The following LGR4 variants were observed in gnomAD, a reference collection of about 807,000 sequenced individuals.
LGR4 encodes leucine-rich repeat-containing G protein-coupled receptor 4.
A neutral mutation model predicts 84.8 loss-of-function variants in LGR4; 44 were observed. The observed-to-expected ratio is 0.52, with a 90% CI of 0.41 to 0.67. LGR4 has a LOEUF of 0.67. Ranked by LOEUF, LGR4 falls within the 30% of genes least tolerant of loss-of-function variation. LGR4 has a pLI of 0.00. For synonymous variants in LGR4, 429 were observed against 434.3 expected (o/e 0.99, Z 0.15); for missense variants, 1,032 against 1,131.4 (o/e 0.91, Z 1.26).
intron 1 of LGR4, among the ~76,000 whole-genome samples, chr11:27,428,993 G>T (rs1864071168): frequency 6.6e-6 from 1 of 152,152 alleles, no homozygotes; most frequent in South Asian, 2.1e-4. Flanking sequence ...GATCTGTTGG[G>T]TCATGTGATG....
chr11:27,446,494 C>G (rs1285274949), intron 1 of LGR4, among the ~76,000 whole-genome samples: 1 of 152,310 alleles, frequency 6.6e-6, no homozygotes, highest in East Asian at 1.9e-4. Flanking sequence ...GATACCATCT[C>G]ACACCAGTTA....
intron 1 of LGR4, among the ~76,000 whole-genome samples, chr11:27,446,387 C>T (rs1337787520): frequency 6.6e-6 from 1 of 152,196 alleles, no homozygotes; most frequent in Admixed American, 6.5e-5. Context: ...TATGAACAGA[C>T]ACTTCTCAAA....
chr11:27,456,484 G>A (rs1443288716), intron 1 of LGR4, among the ~76,000 whole-genome samples: 1 of 152,116 alleles, frequency 6.6e-6, no homozygotes, highest in Non-Finnish European at 1.5e-5. Context: ...TGAGTGAAAG[G>A]GGGCAGCTAT....
At chr11:27,374,505 G>GCAGATACC (rs1467632718) in intron 13 of LGR4, among the ~76,000 whole-genome samples, 1 of 152,094 alleles carries the variant, frequency 6.6e-6, no homozygotes, top group Non-Finnish European at 1.5e-5. Context: ...CAGGAGGGCT[G>GCAGATACC]CAGATACCCT....
intron 1 of LGR4, among the ~76,000 whole-genome samples, chr11:27,438,811 TC>T (rs1281182803): frequency 6.6e-6 from 1 of 152,156 alleles, no homozygotes; most frequent in East Asian, 1.9e-4. Context: ...TCTCAGGCCT[TC>T]AGACTCTAAC....
In LGR4 at chr11:27,371,624, G is replaced by A; in HGVS notation, c.1570C>T (p.Pro524Ser). The A allele has an allele frequency of 1.2e-6, 2 of 1,611,158 alleles. No individual in the cohort carries two copies. The highest frequency in any genetic ancestry group is 1.7e-6 in the Non-Finnish European group (2 of 1,177,790). ...EHSQIIIHCTPSTGAFKPCEY... is the reference protein window; with the variant it reads ...EHSQIIIHCTSSTGAFKPCEY... ...AATAGGCCAGGCATACCTGTTGAAG[G>A]TGTACAATGGATAATTATTTGACTA... Residue 524 changes from proline (P) to serine (S), a missense_variant, in exon 17 of 18, where the codon CCT (proline) becomes TCT (serine). Physicochemically the swap from Pro to Ser is moderately conservative, Grantham distance 74. Transcript: ENST00000379214.
intron 15 of LGR4, 60 bp downstream of exon 15, chr11:27,373,491 C>T: frequency 2.8e-6 from 4 of 1,452,608 alleles, no homozygotes; most frequent in Non-Finnish European, 9.2e-7. Flanking sequence ...AACCAGGACA[C>T]TCTGTAATTT....
chr11:27,444,356 C>A (rs1864352767), intron 1 of LGR4, among the ~76,000 whole-genome samples: 1 of 152,152 alleles, frequency 6.6e-6, no homozygotes, highest in South Asian at 2.1e-4. Context: ...AATAAAACTG[C>A]AAGCAGCCAT....
chr11:27,368,109 A>G lies in LGR4; in HGVS notation c.2614T>C (p.Cys872Arg). ...CTGTGTGATTTTATCAAGTGTTTGC[A>G]TGATACTGGCTTTGTTAAAAGAAAC... ...ESFLLTKPVS[C>R]KHLIKSHSCP... Residue 872 changes from cysteine (C) to arginine (R), a missense_variant, in exon 18 of 18, where the codon TGC (cysteine) becomes CGC (arginine). By Grantham distance (180) the Cys-to-Arg change is radical (BLOSUM62 -3). Transcript: ENST00000379214. The G allele has an allele frequency of 6.2e-7, 1 of 1,614,136 alleles. No individual in the cohort carries two copies. Among genetic ancestry groups the G allele is most frequent in the South Asian group, 1.1e-5 (1 of 91,080 alleles).
chr11:27,472,522 AG>A lies in LGR4; in HGVS notation c.-221del. 5.2e-6 allele frequency: 2 copies of A among 388,268 alleles called. No homozygotes were observed. The highest frequency in any genetic ancestry group is 9.1e-6 in the Non-Finnish European group (2 of 220,566). The allele number at this position is 388,268 out of a possible 1,614,324, so 24.1% of individuals were successfully genotyped here. ...TTCCCGCTGCTCCATGGACGCGCAG[AG>A]GCAGCCCCGCTCCTCCGGCGGCTCA... On this transcript the variant is annotated 5_prime_UTR_variant, in exon 1 of 18. Coordinates refer to ENST00000379214, the MANE Select transcript of LGR4 (RefSeq NM_018490.5).
chr11:27,385,578 A>G (rs1863173353), intron 4 of LGR4, 110 bp from the exon 5 acceptor site: 2 of 658,702 alleles, frequency 3.0e-6, no homozygotes, highest in Admixed American at 3.3e-5. Flanking sequence ...AAAAATTATC[A>G]TCTTTAATTT....
intron 2 of LGR4, among the ~76,000 whole-genome samples, chr11:27,410,002 G>T (rs1219282400): frequency 6.6e-6 from 1 of 152,160 alleles, no homozygotes; most frequent in African/African-American, 2.4e-5. Flanking sequence ...TGATGGAAAT[G>T]ATCCACATCT....
At chr11:27,376,270 T>C in intron 13 of LGR4, 29 bp downstream of exon 13, 3 of 1,329,706 alleles carry the variant, frequency 2.3e-6, no homozygotes, top group Non-Finnish European at 3.2e-6. Context: ...AAAAAATTTA[T>C]TGTCTTTAAT....
chr11:27,439,979 C>G (rs1864277015), intron 1 of LGR4, among the ~76,000 whole-genome samples: 1 of 147,648 alleles, frequency 6.8e-6, no homozygotes, highest in African/African-American at 2.5e-5. Flanking sequence ...GATCTCAGCT[C>G]ACTGCAACCT....
intron 1 of LGR4, among the ~76,000 whole-genome samples, chr11:27,424,938 G>T (rs1045175769): frequency 6.6e-6 from 1 of 152,080 alleles, no homozygotes; most frequent in Non-Finnish European, 1.5e-5. Flanking sequence ...AGTAGAGACG[G>T]GGTTTCACCA....
At chr11:27,451,909 T>C (rs182670951) in intron 1 of LGR4, among the ~76,000 whole-genome samples, 7 of 152,318 alleles carry the variant, frequency 4.6e-5, no homozygotes, top group Non-Finnish European at 1.0e-4. Context: ...ATTATAAACC[T>C]AATGCATAAT....
At chr11:27,438,558 C>T (rs76145854) in intron 1 of LGR4, among the ~76,000 whole-genome samples, 6 of 152,210 alleles carry the variant, frequency 3.9e-5, no homozygotes, top group East Asian at 1.9e-4. Flanking sequence ...TTTGGTTAAA[C>T]GTTATTCTTG....
intron 1 of LGR4, among the ~76,000 whole-genome samples, chr11:27,440,971 C>T (rs1565094683): frequency 6.6e-6 from 1 of 152,174 alleles, no homozygotes; most frequent in Non-Finnish European, 1.5e-5. Context: ...CCGGCTCTCA[C>T]AAAGCACTTT....
chr11:27,402,132 G>A (rs77350015), intron 2 of LGR4, among the ~76,000 whole-genome samples: 3,012 of 152,092 alleles, frequency 0.02, 97 homozygotes, highest in African/African-American at 0.069. Context: ...ATATCCTCCC[G>A]TCCACATGAC....
Sources: gnomAD v4.1 joint callset for allele counts (sites outside exome capture counted in the v4.1 genomes callset) on GRCh38, gnomAD v4.1.1 for gene constraint, MANE v1.5 for transcripts, NCBI Gene and HGNC (gene_info 2026-07-23, HGNC 2026-07-21) for gene names.